RBFOX1: variants seen among roughly 807,000 people sequenced by gnomAD.
The protein encoded by RBFOX1 is RNA binding fox-1 homolog 1.
RBFOX1 carries 8 observed loss-of-function variants against 57.7 expected under a neutral mutation model. The ratio of observed to expected loss-of-function variants is 0.14; its 90% CI spans 0.08 to 0.25. The LOEUF is 0.25. RBFOX1 is among the 10% of genes least tolerant of loss of function. RBFOX1 has a pLI of 1.00. For synonymous variants in RBFOX1, 326 were observed against 222.4 expected (o/e 1.47, Z -4.15); for missense variants, 611 against 548.5 (o/e 1.11, Z -1.14).
chr16:6,418,608 C>A (rs1347891069), intron 2 of RBFOX1, among the ~76,000 whole-genome samples: 2 of 148,416 alleles, frequency 1.3e-5, no homozygotes, highest in Non-Finnish European at 3.0e-5. Context: ...ATTGCAGCCT[C>A]TAACTCCTGG....
At position 5,991,567 on chromosome 16, in the gene RBFOX1, A is replaced by G. The variant is rs546459188; in HGVS notation, c.351+124232A>G. Among the ~76,000 whole-genome samples the G allele has an allele frequency of 5.7e-4, 86 of 152,210 alleles. 1 individual carries two copies. Among genetic ancestry groups the G allele is most frequent in the Middle Eastern group, 3.4e-3 (1 of 292 alleles). On this transcript the variant is annotated intron_variant, in intron 4 of 19. Transcript: ENST00000641259. ...ATAGGAGCTGGGAGATCTGTACTCA[A>G]TGATCGCAGTGGAGCAATTGCACAA...
chr16:6,847,574 T>C (rs1443407036), intron 3 of RBFOX1, among the ~76,000 whole-genome samples: 1 of 151,774 alleles, frequency 6.6e-6, no homozygotes, highest in Non-Finnish European at 1.5e-5. Context: ...CCATGGTCAG[T>C]CGCTGAAAAG....
intron 1 of RBFOX1, among the ~76,000 whole-genome samples, chr16:5,244,990 T>G (rs932872338): frequency 6.6e-6 from 1 of 152,234 alleles, no homozygotes; most frequent in Admixed American, 6.5e-5. Context: ...GATCTTGATA[T>G]GTGTTTCTCA....
At chr16:6,038,634 T>C (rs1003795542) in intron 1 of RBFOX1, 6 of 148,352 alleles carry the variant, frequency 4.0e-5, no homozygotes, top group African/African-American at 1.5e-4. Context: ...TATATATATG[T>C]GTATGAATGA....
At position 7,630,613 on chromosome 16, in the gene RBFOX1, G is replaced by A. The variant is rs2060799020; in HGVS notation, c.687G>A (p.Leu229=). Reference sequence around the variant, plus strand: ...CTCTCTCTTTCGTAGGCACGGTCCTGTTGTGCCAGGCCAACCAGGAGGGAT... The same window carrying A: ...CTCTCTCTTTCGTAGGCACGGTCCTATTGTGCCAGGCCAACCAGGAGGGAT... ...YSPEFYAGTV[L]LCQANQEGSS... Residue 229 remains leucine, a synonymous_variant, in exon 11 of 16, where the codon CTG becomes CTA. Coordinates refer to ENST00000550418, the MANE Select transcript of RBFOX1 (RefSeq NM_018723.4). The A allele has an allele frequency of 6.2e-7, 1 of 1,614,164 alleles. No individual in the cohort carries two copies. The highest frequency in any genetic ancestry group is 8.5e-7 in the Non-Finnish European group (1 of 1,180,034).
chr16:7,378,038 A>C (rs925279099), intron 4 of RBFOX1, among the ~76,000 whole-genome samples: 25 of 152,236 alleles, frequency 1.6e-4, no homozygotes, highest in Admixed American at 1.2e-3. Context: ...GACATGTCTG[A>C]AGAAGAGCAA....
At chr16:6,686,401 C>G (rs901504709) in intron 3 of RBFOX1, among the ~76,000 whole-genome samples, 3 of 152,220 alleles carry the variant, frequency 2.0e-5, no homozygotes, top group African/African-American at 7.2e-5. Context: ...ATGTCGATGA[C>G]AGTACACCTA....
intron 3 of RBFOX1, among the ~76,000 whole-genome samples, chr16:6,733,166 C>G (rs538280495): frequency 1.9e-4 from 29 of 152,288 alleles, no homozygotes; most frequent in East Asian, 3.9e-4. Context: ...CAGCCAACCC[C>G]TCATCTCCCA....
chr16:6,806,836 A>ATATATATATATATATTTTT (rs754342591), intron 3 of RBFOX1, among the ~76,000 whole-genome samples: 1 of 91,904 alleles, frequency 1.1e-5, no homozygotes, highest in Non-Finnish European at 2.1e-5. Context: ...ATATATATAT[A>ATATATATATATATATTTTT]TTTTTTTTTT....
chr16:6,447,478 A>G (rs900476263), intron 2 of RBFOX1, among the ~76,000 whole-genome samples: 1 of 152,206 alleles, frequency 6.6e-6, no homozygotes, highest in African/African-American at 2.4e-5. Context: ...GAAACCTAGA[A>G]TGACTTTCAA....
chr16:5,771,944 G>C (rs145780807), intron 3 of RBFOX1, among the ~76,000 whole-genome samples: 3,219 of 152,136 alleles, frequency 0.021, 60 homozygotes, highest in Non-Finnish European at 0.029. Context: ...GAGGTCGAGG[G>C]GGGTGGATCA....
intron 4 of RBFOX1, among the ~76,000 whole-genome samples, chr16:7,118,950 T>C (rs897100509): frequency 1.3e-5 from 2 of 152,146 alleles, no homozygotes; most frequent in Admixed American, 6.5e-5. Context: ...AGTGTTTCTG[T>C]GAGTTTGGTA....
chr16:5,448,257 G>C (rs965122023), intron 1 of RBFOX1, among the ~76,000 whole-genome samples: 2 of 152,094 alleles, frequency 1.3e-5, no homozygotes, highest in East Asian at 1.9e-4. Flanking sequence ...CTAGACCCAC[G>C]TATGGGGTTG....
intron 3 of RBFOX1, among the ~76,000 whole-genome samples, chr16:6,898,336 G>T (rs186025699): frequency 5.9e-5 from 9 of 152,250 alleles, no homozygotes; most frequent in African/African-American, 1.9e-4. Context: ...TGGATGGAGG[G>T]GGGTGAGGAG....
chr16:6,523,554 C>T lies in RBFOX1; in HGVS notation c.-63-131049C>T, dbSNP rs149347206. Among the ~76,000 whole-genome samples the T allele has an allele frequency of 2.3e-3, 346 of 152,278 alleles. 1 individual carries two copies. Among genetic ancestry groups the T allele is most frequent in the African/African-American group, 7.7e-3 (322 of 41,550 alleles). On this transcript the variant is annotated intron_variant, in intron 2 of 15. Coordinates refer to ENST00000550418, the MANE Select transcript of RBFOX1 (RefSeq NM_018723.4). ...CTGGATGACTTTGGTACGCTACTTACCCTTTTTTGACCTTGCCTTTCAGTC... is the reference window on the plus strand; with the variant it reads ...CTGGATGACTTTGGTACGCTACTTATCCTTTTTTGACCTTGCCTTTCAGTC...
chr16:6,130,236 A>AT (rs1452058359), intron 1 of RBFOX1, among the ~76,000 whole-genome samples: 4 of 152,120 alleles, frequency 2.6e-5, no homozygotes, highest in African/African-American at 4.8e-5. Context: ...CACATGTAAG[A>AT]TTTATGACTA....
intron 4 of RBFOX1, among the ~76,000 whole-genome samples, chr16:7,152,709 G>C (rs927123250): frequency 1.7e-4 from 26 of 152,160 alleles, no homozygotes; most frequent in African/African-American, 5.8e-4. Context: ...AAAATAAGTT[G>C]TGTCCTGGTT....
chr16:7,562,854 C>T (rs1352924442), intron 5 of RBFOX1, among the ~76,000 whole-genome samples: 1 of 152,198 alleles, frequency 6.6e-6, no homozygotes, highest in Non-Finnish European at 1.5e-5. Flanking sequence ...TACTGGACCA[C>T]AGATGTGTAG....
rs1038335530 is a variant in RBFOX1 at position 5,447,411 on chromosome 16, G to A, written c.220-19805G>A. On this transcript the variant is annotated intron_variant, in intron 1 of 2. Transcript: ENST00000585867. ...CTCTCTCTCTCTCTCTCTCTCTCTC[G>A]ACGCAGTCTTGCTGTTTCACCCATG... 5.2e-4 allele frequency among the ~76,000 whole-genome samples: 29 copies of A among 55,974 alleles called. 1 individual carries two copies. Among genetic ancestry groups the A allele is most frequent in the Admixed American group, 3.5e-3 (21 of 6,006 alleles). The allele number at this position is 55,974 out of a possible 152,430, so 36.7% of individuals were successfully genotyped here.
Sources: allele counts gnomAD v4.1 joint callset (sites outside exome capture counted in the v4.1 genomes callset), GRCh38; gene constraint gnomAD v4.1.1; transcripts MANE v1.5; gene names NCBI Gene and HGNC (gene_info 2026-07-23, HGNC 2026-07-21).